ZNRF1: variants seen among roughly 807,000 people sequenced by gnomAD.
The protein encoded by ZNRF1 is E3 ubiquitin-protein ligase ZNRF1.
Under a neutral mutation model 18.4 loss-of-function variants are expected in ZNRF1, and 3 were observed. The observed-to-expected ratio is 0.16, with a 90% CI of 0.07 to 0.42. The LOEUF is 0.42. ZNRF1 is among the 10% of genes least tolerant of loss of function. The pLI is 0.99. For synonymous variants in ZNRF1, 157 were observed against 144.2 expected (o/e 1.09, Z -0.64); for missense variants, 310 against 329.8 (o/e 0.94, Z 0.47).
chr16:75,042,951 G>A (rs988181006), intron 1 of ZNRF1, among the ~76,000 whole-genome samples: 6 of 152,162 alleles, frequency 3.9e-5, no homozygotes, highest in Non-Finnish European at 7.4e-5. Flanking sequence ...TAGTGGGAAC[G>A]CAGGCCAAGG....
chr16:75,107,260 CCCCT>C (rs1207668543), intron 4 of ZNRF1: 3 of 193,014 alleles, frequency 1.6e-5, no homozygotes, highest in Non-Finnish European at 2.2e-5. Flanking sequence ...TCTCACCTGT[CCCCT>C]CCAAGTTCTG....
intron 1 of ZNRF1, among the ~76,000 whole-genome samples, chr16:75,076,370 A>G (rs899779235): frequency 1.3e-5 from 2 of 152,092 alleles, no homozygotes; most frequent in Non-Finnish European, 2.9e-5. Context: ...TTTCAGGTCA[A>G]GAGCCTGTGT....
chr16:75,052,462 A>G (rs1195876596), intron 1 of ZNRF1, among the ~76,000 whole-genome samples: 1 of 152,054 alleles, frequency 6.6e-6, no homozygotes, highest in East Asian at 1.9e-4. Flanking sequence ...TCACATTGTG[A>G]GTCAGTAGAC....
At chr16:75,009,040 A>G (rs2034960719) in intron 1 of ZNRF1, among the ~76,000 whole-genome samples, 1 of 152,098 alleles carries the variant, frequency 6.6e-6, no homozygotes, top group African/African-American at 2.4e-5. Context: ...TGCATCTTTA[A>G]TTTCAGTATC....
chr16:75,028,329 C>G (rs532853201), intron 1 of ZNRF1, among the ~76,000 whole-genome samples: 1 of 152,198 alleles, frequency 6.6e-6, no homozygotes, highest in Non-Finnish European at 1.5e-5. Flanking sequence ...GAGTTTCACT[C>G]GACGCCCAGG....
chr16:75,055,353 G>T (rs955736078), intron 1 of ZNRF1, among the ~76,000 whole-genome samples: 1 of 152,188 alleles, frequency 6.6e-6, no homozygotes, highest in Non-Finnish European at 1.5e-5. Context: ...CTTCATTTGT[G>T]TGTATCCATT....
intron 1 of ZNRF1, among the ~76,000 whole-genome samples, chr16:75,043,790 C>CTTTTTTTTTTTTTTTTTTTTTTTTTTTT (rs59324869): frequency 2.7e-5 from 2 of 75,190 alleles, no homozygotes; most frequent in African/African-American, 9.1e-5. Flanking sequence ...TTGCTTTGTA[C>CTTTTTTTTTTTTTTTTTTTTTTTTTTTT]TTTTTTTTTT....
At chr16:75,029,193 C>T (rs1383226535) in intron 1 of ZNRF1, among the ~76,000 whole-genome samples, 3 of 151,844 alleles carry the variant, frequency 2.0e-5, no homozygotes, top group African/African-American at 7.3e-5. Flanking sequence ...GTCGCCCAGG[C>T]TGGAGTGCAG....
intron 2 of ZNRF1, among the ~76,000 whole-genome samples, chr16:75,099,601 G>T (rs1040367420): frequency 6.6e-6 from 1 of 152,198 alleles, no homozygotes; most frequent in Non-Finnish European, 1.5e-5. Flanking sequence ...TGCTTCAGAG[G>T]TAGTAAGAAA....
rs1428373063 is a variant in ZNRF1, at chr16:74,999,542, T to C, written c.-130T>C. The C allele has an allele frequency of 7.5e-6, 5 of 670,372 alleles. No homozygotes were observed. In the African/African-American group the frequency reaches 7.5e-5, roughly 10 times the overall value. The allele number at this position is 670,372 out of a possible 1,614,324, so 41.5% of individuals were successfully genotyped here. ...TTTCCTTTTTTCCTTTTGCTTTTTT[T>C]CCTTTTCTCCCTCCGGGTCTCCTTT... On this transcript the variant is annotated 5_prime_UTR_variant, in exon 1 of 5. Coordinates refer to ENST00000335325, the MANE Select transcript of ZNRF1 (RefSeq NM_032268.5).
chr16:75,065,882 T>G (rs1441623618), intron 1 of ZNRF1, among the ~76,000 whole-genome samples: 2 of 152,294 alleles, frequency 1.3e-5, no homozygotes, highest in African/African-American at 4.8e-5. Context: ...ACAAGAGGAC[T>G]GTTAGAAAGT....
In ZNRF1 at chr16:75,093,684, C is replaced by T. The variant is rs770074013; in HGVS notation, c.520+17C>T. Reference sequence around the variant, plus strand: ...CCTACAACGGTAAGGGCTTGGCCTGCCTCACCAGCCTCCAGAGCATCCGTC... The same window carrying T: ...CCTACAACGGTAAGGGCTTGGCCTGTCTCACCAGCCTCCAGAGCATCCGTC... On this transcript the variant is annotated intron_variant, in intron 2 of 4. Coordinates refer to ENST00000335325, the MANE Select transcript of ZNRF1 (RefSeq NM_032268.5). The T allele has an allele frequency of 6.3e-7, 1 of 1,599,816 alleles. No homozygotes were observed. The highest frequency in any genetic ancestry group is 8.6e-7 in the Non-Finnish European group (1 of 1,167,276).
chr16:75,099,989 G>A (rs2036237783), intron 2 of ZNRF1, among the ~76,000 whole-genome samples: 2 of 152,214 alleles, frequency 1.3e-5, no homozygotes, highest in African/African-American at 4.8e-5. Flanking sequence ...CTGGGTTTGT[G>A]TGCCTCCTGC....
intron 1 of ZNRF1, among the ~76,000 whole-genome samples, chr16:75,032,271 G>A (rs2035316282): frequency 1.3e-5 from 2 of 148,886 alleles, no homozygotes; most frequent in African/African-American, 4.8e-5. Context: ...CATCCTGCCT[G>A]GCTAAGTTTT....
chr16:75,051,514 C>CT (rs1285300345), intron 1 of ZNRF1, among the ~76,000 whole-genome samples: 3 of 149,682 alleles, frequency 2.0e-5, no homozygotes, highest in African/African-American at 5.0e-5. Flanking sequence ...CAGCCTGCAT[C>CT]TTCCCCTTTT....
intron 1 of ZNRF1, among the ~76,000 whole-genome samples, chr16:75,092,943 A>G (rs560509468): frequency 4.6e-5 from 7 of 152,180 alleles, no homozygotes; most frequent in Non-Finnish European, 1.0e-4. Flanking sequence ...ATGCCTCCCT[A>G]CCCCATTGTC....
Position 75,066,347 on chromosome 16 carries a change from C to A in ZNRF1, c.425-27225C>A, listed in dbSNP as rs2035804106. On this transcript the variant is annotated intron_variant, in intron 1 of 4. Coordinates refer to ENST00000335325, the MANE Select transcript of ZNRF1 (RefSeq NM_032268.5). Reference sequence around the variant, plus strand: ...CAGAGACCCTGTTACATCAGTAGACCAAAGGAGGGGAAGACATGATTATCT... The same window carrying A: ...CAGAGACCCTGTTACATCAGTAGACAAAAGGAGGGGAAGACATGATTATCT... Among the ~76,000 whole-genome samples the A allele has an allele frequency of 4.6e-5, 7 of 152,202 alleles. No individual in the cohort carries two copies. In the South Asian group the frequency reaches 1.4e-3, roughly 32 times the overall value.
At chr16:75,041,136 G>C (rs544164814) in intron 1 of ZNRF1, among the ~76,000 whole-genome samples, 9 of 152,226 alleles carry the variant, frequency 5.9e-5, no homozygotes, top group African/African-American at 2.2e-4. Context: ...GATTCCATAT[G>C]AGAAGTTTGT....
chr16:75,046,904 C>G (rs1448600109), intron 1 of ZNRF1: 1 of 154,052 alleles, frequency 6.5e-6, no homozygotes, highest in African/African-American at 2.4e-5. Flanking sequence ...CGGGACAGTA[C>G]AGAAAAATAA....
Sources: gnomAD v4.1 joint callset for allele counts (sites outside exome capture counted in the v4.1 genomes callset) on GRCh38, gnomAD v4.1.1 for gene constraint, MANE v1.5 for transcripts, NCBI Gene and HGNC (gene_info 2026-07-23, HGNC 2026-07-21) for gene names.